TBC1D1: variants seen among roughly 807,000 people sequenced by gnomAD.
The protein encoded by TBC1D1 is TBC1 (tre-2/USP6, BUB2, cdc16) domain family, member 1.
Under a neutral mutation model 125.6 loss-of-function variants are expected in TBC1D1, and 89 were observed. The ratio of observed to expected loss-of-function variants is 0.71; its 90% CI spans 0.60 to 0.85. The LOEUF is 0.85. Ranked by LOEUF, TBC1D1 falls within the 40% of genes least tolerant of loss-of-function variation. TBC1D1 has a pLI of 0.00. For synonymous variants in TBC1D1, 565 were observed against 564.1 expected (o/e 1.00, Z -0.02); for missense variants, 1,377 against 1,469.2 (o/e 0.94, Z 1.03).
At chr4:38,057,935 G>A (rs546411889) in intron 12 of TBC1D1, among the ~76,000 whole-genome samples, 44 of 152,256 alleles carry the variant, frequency 2.9e-4, no homozygotes, top group African/African-American at 9.6e-4. Flanking sequence ...AGGACGCTGC[G>A]GGACCCTCTG....
chr4:38,028,252 G>T (rs561934161), intron 7 of TBC1D1, among the ~76,000 whole-genome samples: 1 of 152,024 alleles, frequency 6.6e-6, no homozygotes, highest in Non-Finnish European at 1.5e-5. Flanking sequence ...TGCAGTCTCC[G>T]CCTCCCAGGT....
chr4:37,899,894 G>T (rs567733774), intron 1 of TBC1D1, among the ~76,000 whole-genome samples: 1 of 152,124 alleles, frequency 6.6e-6, no homozygotes, highest in African/African-American at 2.4e-5. Context: ...GCCGAGGCGG[G>T]CGGAACACGA....
In TBC1D1 at chr4:37,922,956, C is replaced by CT. The variant is rs1190993131; in HGVS notation, c.417+20445dup. ...AATGGATGGGGTGGCAAAGTTCTCT[C>CT]TCTTTTTTTTTTAATTATACTTTAA... On this transcript the variant is annotated intron_variant, in intron 2 of 19. Transcript: ENST00000261439. Among the ~76,000 whole-genome samples, 100 of 151,592 alleles carry CT rather than the reference C, an allele frequency of 6.6e-4. 2 individuals carry two copies. In the East Asian group the frequency reaches 0.014, roughly 21 times the overall value.
intron 2 of TBC1D1, among the ~76,000 whole-genome samples, chr4:37,941,709 T>C (rs1725606355): frequency 6.6e-6 from 1 of 152,222 alleles, no homozygotes; most frequent in Admixed American, 6.5e-5. Context: ...GTCCCAGAGA[T>C]TCTGGTATGT....
At chr4:37,928,948 G>A (rs1235313358) in intron 2 of TBC1D1, among the ~76,000 whole-genome samples, 2 of 152,184 alleles carry the variant, frequency 1.3e-5, no homozygotes, top group African/African-American at 2.4e-5. Flanking sequence ...CTCCCTGAAA[G>A]GTCTCTAGGC....
chr4:38,130,590 C>G (rs1001563743), intron 18 of TBC1D1, among the ~76,000 whole-genome samples: 1 of 152,058 alleles, frequency 6.6e-6, no homozygotes, highest in Admixed American at 6.5e-5. Context: ...GATGGGCCAG[C>G]AAGAAAGAAG....
chr4:38,009,263 A>G (rs1365332498), intron 2 of TBC1D1, among the ~76,000 whole-genome samples: 2 of 152,194 alleles, frequency 1.3e-5, no homozygotes, highest in African/African-American at 4.8e-5. Flanking sequence ...ACTCCTTACA[A>G]TGAGAAAGCA....
chr4:37,996,831 C>T (rs772722281), intron 2 of TBC1D1, among the ~76,000 whole-genome samples: 4 of 152,166 alleles, frequency 2.6e-5, no homozygotes, highest in Admixed American at 2.6e-4. Context: ...GTGCAAGTTG[C>T]GGGCTGCACA....
chr4:37,903,209 GA>G (rs992846427), intron 2 of TBC1D1, among the ~76,000 whole-genome samples: 9 of 151,820 alleles, frequency 5.9e-5, no homozygotes, highest in African/African-American at 9.7e-5. Context: ...TGATATGGCT[GA>G]AAAAAAATGT....
intron 2 of TBC1D1, among the ~76,000 whole-genome samples, chr4:37,909,591 T>A (rs1718110197): frequency 6.6e-6 from 1 of 152,200 alleles, no homozygotes; most frequent in Non-Finnish European, 1.5e-5. Flanking sequence ...GAGCATTTTG[T>A]TTCTGAGGGT....
chr4:38,116,139 A>G (rs1762950979), intron 16 of TBC1D1, among the ~76,000 whole-genome samples, 185 bp downstream of exon 18: 1 of 152,200 alleles, frequency 6.6e-6, no homozygotes, highest in Non-Finnish European at 1.5e-5. Context: ...TAAGGAAGAC[A>G]CTGTTCATCG....
At chr4:37,910,461 T>A (rs1184062868) in intron 2 of TBC1D1, among the ~76,000 whole-genome samples, 1 of 152,206 alleles carries the variant, frequency 6.6e-6, no homozygotes, top group Non-Finnish European at 1.5e-5. Context: ...AAATAATATT[T>A]TGGGTATATT....
At chr4:38,058,426 A>G (rs1205363984) in intron 12 of TBC1D1, among the ~76,000 whole-genome samples, 1 of 152,230 alleles carries the variant, frequency 6.6e-6, no homozygotes, top group Non-Finnish European at 1.5e-5. Flanking sequence ...CCAAGCGTGC[A>G]CAAGACTCTG....
chr4:37,894,128 A>AC (rs1301171222), intron 1 of TBC1D1, among the ~76,000 whole-genome samples: 1 of 151,770 alleles, frequency 6.6e-6, no homozygotes, highest in African/African-American at 2.4e-5. Context: ...AGCTGGGACT[A>AC]CAGGCGTGCT....
chr4:38,134,100 G>T (rs1031616828), intron 19 of TBC1D1, among the ~76,000 whole-genome samples: 1 of 152,168 alleles, frequency 6.6e-6, no homozygotes, highest in Non-Finnish European at 1.5e-5. Flanking sequence ...TTTTTGAGTG[G>T]CTGTGGATAA....
In TBC1D1 at chr4:38,014,430, C is replaced by T. The variant is rs976303550; in HGVS notation, c.418-79C>T. The T allele has an allele frequency of 1.0e-5, 15 of 1,448,490 alleles. No homozygotes were observed. Among genetic ancestry groups the T allele is most frequent in the South Asian group, 2.5e-5 (2 of 79,906 alleles). The allele number at this position is 1,448,490 out of a possible 1,614,324, so 89.7% of individuals were successfully genotyped here. On this transcript the variant is annotated intron_variant, in intron 2 of 19. Coordinates refer to ENST00000261439, the MANE Select transcript of TBC1D1 (RefSeq NM_015173.4). This position sits in a 1 kb window ranked among gnomAD's most constrained non-coding sequence, Gnocchi z 5.1. ...CAGTGGAGTAGCCAGCGGGGCGTCC[C>T]GAAAGAGCATGGTGCATTCATTCCG... is the stretch of plus-strand genomic sequence containing the variant.
intron 15 of TBC1D1, among the ~76,000 whole-genome samples, chr4:38,109,125 A>G (rs1267306613): frequency 1.3e-5 from 2 of 152,214 alleles, no homozygotes; most frequent in East Asian, 1.9e-4. Flanking sequence ...AAAGACAGAA[A>G]GGGACCTAGA....
At chr4:38,043,486 G>A (rs894352844) in intron 8 of TBC1D1, among the ~76,000 whole-genome samples, 16 of 151,716 alleles carry the variant, frequency 1.1e-4, no homozygotes, top group African/African-American at 3.9e-4. Flanking sequence ...TGGGGGCCGA[G>A]GGAGAAGGAT....
At chr4:38,088,613 A>G (rs1757929867) in intron 12 of TBC1D1, among the ~76,000 whole-genome samples, 1 of 152,052 alleles carries the variant, frequency 6.6e-6, no homozygotes, top group Non-Finnish European at 1.5e-5. Flanking sequence ...CTGTGCCCCT[A>G]GTAAAGATAT....
Sources: allele counts gnomAD v4.1 joint callset (sites outside exome capture counted in the v4.1 genomes callset), GRCh38; gene constraint gnomAD v4.1.1; non-coding constraint Gnocchi (gnomAD v3.1); transcripts MANE v1.5; gene names NCBI Gene and HGNC (gene_info 2026-07-23, HGNC 2026-07-21).